Variants in MAP2K6 observed in about 807,000 individuals in gnomAD.
MAP2K6 encodes the protein dual specificity mitogen-activated protein kinase kinase 6.
Under a neutral mutation model 53.7 loss-of-function variants are expected in MAP2K6, and 16 were observed. That is an observed-to-expected ratio of 0.30 (90% CI 0.20 to 0.45). The LOEUF (loss-of-function observed/expected upper bound fraction) is 0.45. Ranked by LOEUF, MAP2K6 falls within the 20% of genes least tolerant of loss-of-function variation. The pLI is 1.00. For missense variants in MAP2K6, 204 were observed against 411.9 expected (o/e 0.50, Z 4.37); for synonymous variants, 132 against 143.1 (o/e 0.92, Z 0.55).
intron 4 of MAP2K6, 115 bp downstream of exon 4, chr17:69,517,728 A>G: frequency 1.8e-6 from 1 of 553,712 alleles, no homozygotes; most frequent in African/African-American, 1.9e-5. Flanking sequence ...GGTAAAACAG[A>G]AAAGATTATT....
intron 1 of MAP2K6, among the ~76,000 whole-genome samples, chr17:69,453,613 G>A (rs1907304289): frequency 6.6e-6 from 1 of 152,166 alleles, no homozygotes; most frequent in Non-Finnish European, 1.5e-5. Context: ...ATATATATTT[G>A]AATTGCTTAT....
At chr17:69,423,876 G>A (rs1018130021) in intron 1 of MAP2K6, among the ~76,000 whole-genome samples, 2 of 151,896 alleles carry the variant, frequency 1.3e-5, no homozygotes, top group African/African-American at 2.4e-5. Flanking sequence ...TATTAGGTTG[G>A]TGCAAAAGTA....
chr17:69,507,459 T>G (rs1354028782), intron 2 of MAP2K6, among the ~76,000 whole-genome samples: 1 of 152,094 alleles, frequency 6.6e-6, no homozygotes, highest in African/African-American at 2.4e-5. Context: ...TCTTTTATGC[T>G]CCCCTCTTAT....
At chr17:69,520,091 A>G in intron 5 of MAP2K6, 179 bp from the exon 6 acceptor site, 1 of 562,100 alleles carries the variant, frequency 1.8e-6, no homozygotes, top group South Asian at 2.3e-5. Context: ...TGCTCTTTGT[A>G]GATAACCTTG....
In MAP2K6 at chr17:69,533,491, A is replaced by G. The variant is rs113255068; in HGVS notation, c.882-2624A>G. Among the ~76,000 whole-genome samples, 528 of 152,300 alleles carry G rather than the reference A, an allele frequency of 3.5e-3. 2 individuals are homozygous for G. Among genetic ancestry groups the G allele is most frequent in the African/African-American group, 0.012 (482 of 41,556 alleles). ...ATTGCCTTGGTTCTGTTGTTGACCA[A>G]TGAAAGCTAGTAACGGAGTGGGCCT... On this transcript the variant is annotated intron_variant, in intron 10 of 11. Transcript: ENST00000590474.
intron 1 of MAP2K6, among the ~76,000 whole-genome samples, chr17:69,426,092 A>G (rs910868215): frequency 6.6e-6 from 1 of 152,186 alleles, no homozygotes; most frequent in African/African-American, 2.4e-5. Context: ...AGGGTCTTCT[A>G]TGTGGCCCAG....
At chr17:69,483,163 G>A (rs1908408389) in intron 1 of MAP2K6, among the ~76,000 whole-genome samples, 2 of 151,926 alleles carry the variant, frequency 1.3e-5, no homozygotes, top group African/African-American at 2.4e-5. Flanking sequence ...ATCTCTGTTT[G>A]TAGATAACAC....
intron 1 of MAP2K6, among the ~76,000 whole-genome samples, chr17:69,423,178 C>G (rs936061464): frequency 6.6e-6 from 1 of 152,106 alleles, no homozygotes; most frequent in Non-Finnish European, 1.5e-5. Flanking sequence ...CCATCGTGCC[C>G]GGCCAAGCCT....
intron 1 of MAP2K6, among the ~76,000 whole-genome samples, chr17:69,454,103 G>A (rs962930255): frequency 6.6e-6 from 1 of 152,092 alleles, no homozygotes; most frequent in African/African-American, 2.4e-5. Context: ...CTAGTGACAC[G>A]GTCAAAAACT....
At chr17:69,537,912 T>C (rs1302095760) in intron 11 of MAP2K6, among the ~76,000 whole-genome samples, 1 of 152,266 alleles carries the variant, frequency 6.6e-6, no homozygotes, top group Non-Finnish European at 1.5e-5. Context: ...TTACTCTTTT[T>C]AAATATGCTT....
chr17:69,441,452 T>G (rs564635938), intron 1 of MAP2K6, among the ~76,000 whole-genome samples: 7 of 152,328 alleles, frequency 4.6e-5, no homozygotes, highest in African/African-American at 1.7e-4. Flanking sequence ...GTTGTTGTAT[T>G]TTTCTAGTTC....
At chr17:69,528,841 AAGAG>A (rs572577902) in intron 10 of MAP2K6, among the ~76,000 whole-genome samples, 13 of 135,496 alleles carry the variant, frequency 9.6e-5, no homozygotes, top group African/African-American at 3.7e-4. Flanking sequence ...CCTGGGTGAT[AAGAG>A]AGAGACGCCA....
At chr17:69,454,928 G>T (rs1320760967) in intron 1 of MAP2K6, among the ~76,000 whole-genome samples, 2 of 152,104 alleles carry the variant, frequency 1.3e-5, no homozygotes, top group South Asian at 2.1e-4. Flanking sequence ...CAAATAGAAG[G>T]TCTAATCTTA....
chr17:69,482,107 C>G (rs1489300932), intron 1 of MAP2K6, among the ~76,000 whole-genome samples: 1 of 151,986 alleles, frequency 6.6e-6, no homozygotes. Flanking sequence ...GATTTTTAGG[C>G]AAAGAAATTG....
intron 1 of MAP2K6, among the ~76,000 whole-genome samples, chr17:69,441,658 C>T (rs1228787987): frequency 6.6e-6 from 1 of 152,266 alleles, no homozygotes; most frequent in East Asian, 1.9e-4. Flanking sequence ...CTTGGTATGA[C>T]AAGTGACTTT....
chr17:69,488,806 T>C (rs1695327260), intron 1 of MAP2K6, among the ~76,000 whole-genome samples: 1 of 152,140 alleles, frequency 6.6e-6, no homozygotes, highest in South Asian at 2.1e-4. Context: ...TAACTAACTG[T>C]TGGATACTGT....
At chr17:69,533,585 A>T (rs1911198783) in intron 10 of MAP2K6, among the ~76,000 whole-genome samples, 2 of 152,110 alleles carry the variant, frequency 1.3e-5, no homozygotes, top group South Asian at 4.1e-4. Flanking sequence ...GCCAGAATCA[A>T]CCATCTGAAT....
chr17:69,497,830 C>G (rs1909004786), intron 1 of MAP2K6, among the ~76,000 whole-genome samples: 1 of 152,150 alleles, frequency 6.6e-6, no homozygotes, highest in Admixed American at 6.5e-5. Context: ...TCTTTTTAAA[C>G]TTTGATTTTG....
intron 10 of MAP2K6, among the ~76,000 whole-genome samples, chr17:69,535,318 C>T (rs916213209): frequency 2.6e-5 from 4 of 152,156 alleles, no homozygotes. Context: ...GGGGGTTGGG[C>T]ACAGTGGCTC....
Sources: gnomAD v4.1 joint callset for allele counts (sites outside exome capture counted in the v4.1 genomes callset) on GRCh38, gnomAD v4.1.1 for gene constraint, MANE v1.5 for transcripts, NCBI Gene and HGNC (gene_info 2026-07-23, HGNC 2026-07-21) for gene names.